The following DENND1B variants were observed in gnomAD, a reference collection of about 807,000 sequenced individuals.
The protein encoded by DENND1B is DENN domain containing 1B, also known as DENN domain-containing protein 1B.
A neutral mutation model predicts 90.1 loss-of-function variants in DENND1B; 59 were observed. The observed-to-expected ratio is 0.65, with a 90% confidence interval of 0.53 to 0.81. The LOEUF (loss-of-function observed/expected upper bound fraction) is 0.81. Ranked by LOEUF, DENND1B falls within the 40% of genes least tolerant of loss-of-function variation. The pLI is 0.00. For missense variants in DENND1B, 862 were observed against 912.6 expected, an observed-to-expected ratio of 0.94 and a Z score of 0.71; for synonymous variants, 337 against 324.6, an observed-to-expected ratio of 1.04 and a Z score of -0.41.
At chr1:197,580,258 A>ATTTTTTTTTTTTTTTTTTTTT (rs36028786) in intron 15 of DENND1B, among the ~76,000 whole-genome samples, 4 of 113,184 alleles carry the variant, frequency 3.5e-5, no homozygotes, top group African/African-American at 1.4e-4. Context: ...CGCCCAGCTA[A>ATTTTTTTTTTTTTTTTTTTTT]TTTTTTTTTT....
intron 2 of DENND1B, chr1:197,734,675 A>G (rs991474832): frequency 1.0e-6 from 1 of 985,214 alleles, no homozygotes; most frequent in Admixed American, 6.1e-5. Context: ...ACAGACAGCA[A>G]TTAATGAAAG....
chr1:197,677,439 G>A (rs1168542428), intron 3 of DENND1B, among the ~76,000 whole-genome samples: 1 of 152,024 alleles, frequency 6.6e-6, no homozygotes, highest in Non-Finnish European at 1.5e-5. Context: ...ACCTAAACTG[G>A]CAGCACCATC....
intron 20 of DENND1B, among the ~76,000 whole-genome samples, chr1:197,518,833 A>C (rs1668575384): frequency 6.6e-6 from 1 of 151,882 alleles, no homozygotes; most frequent in South Asian, 2.1e-4. Flanking sequence ...TATGAACACA[A>C]GTGGGGAGAC....
At chr1:197,600,557 T>A (rs1450236652) in intron 13 of DENND1B, among the ~76,000 whole-genome samples, 1 of 151,794 alleles carries the variant, frequency 6.6e-6, no homozygotes, top group African/African-American at 2.4e-5. Context: ...TTGTTCCACA[T>A]CTTTGGAAAA....
intron 10 of DENND1B, among the ~76,000 whole-genome samples, chr1:197,630,350 C>T (rs899145767): frequency 5.3e-5 from 8 of 152,060 alleles, no homozygotes; most frequent in African/African-American, 1.9e-4. Flanking sequence ...CTCTCTTCTC[C>T]ATAGGATGGC....
chr1:197,640,729 A>G (rs1451111105), intron 10 of DENND1B, among the ~76,000 whole-genome samples: 23 of 152,186 alleles, frequency 1.5e-4, no homozygotes, highest in Non-Finnish European at 2.9e-5. Flanking sequence ...ATATACTCAG[A>G]TTTATTTCTA....
chr1:197,638,108 C>T (rs144736078), intron 10 of DENND1B, among the ~76,000 whole-genome samples: 109 of 152,282 alleles, frequency 7.2e-4, no homozygotes, highest in African/African-American at 2.5e-3. Context: ...CGAAAGATTT[C>T]TTTTTACATA....
intron 3 of DENND1B, among the ~76,000 whole-genome samples, chr1:197,713,693 C>A: frequency 1.2e-5 from 1 of 86,026 alleles, no homozygotes; most frequent in Admixed American, 1.9e-4. Flanking sequence ...ATGTAACTAA[C>A]CTGCACAATG....
At position 197,639,224 on chromosome 1, in the gene DENND1B, T is replaced by C. The variant is rs567682269; in HGVS notation, c.672+3487A>G. ...GACTACAGGTGCGTGGTACCATGCC[T>C]GGCTAATTTTTGTATTTTTAGTAGA... is the stretch of plus-strand genomic sequence containing the variant. On this transcript the variant is annotated intron_variant, in intron 10 of 22. Coordinates refer to ENST00000620048, the MANE Select transcript of DENND1B (RefSeq NM_001195215.2). Among the ~76,000 whole-genome samples the C allele has an allele frequency of 6.0e-4, 91 of 152,076 alleles. 1 individual carries two copies. Among genetic ancestry groups the C allele is most frequent in the African/African-American group, 2.1e-3 (88 of 41,502 alleles).
chr1:197,668,860 A>G (rs932374026), intron 5 of DENND1B, among the ~76,000 whole-genome samples: 1 of 145,778 alleles, frequency 6.9e-6, no homozygotes, highest in African/African-American at 2.4e-5. Context: ...AAAAGCTTAT[A>G]CCATTTTTTA....
intron 2 of DENND1B, among the ~76,000 whole-genome samples, chr1:197,727,996 G>A (rs931268229): frequency 5.3e-5 from 8 of 150,516 alleles, no homozygotes; most frequent in African/African-American, 9.8e-5. Flanking sequence ...AAAATGGATC[G>A]CCCCTACATA....
intron 14 of DENND1B, among the ~76,000 whole-genome samples, chr1:197,592,177 G>A (rs1179725211): frequency 6.9e-6 from 1 of 145,812 alleles, no homozygotes; most frequent in Non-Finnish European, 1.5e-5. Context: ...TGCCACACTA[G>A]AGCAAGAGAG....
intron 2 of DENND1B, among the ~76,000 whole-genome samples, chr1:197,767,186 A>C (rs571097329): frequency 6.4e-4 from 98 of 152,170 alleles, no homozygotes; most frequent in Non-Finnish European, 1.2e-3. Flanking sequence ...GTTCTGGTTC[A>C]TGAAGAACTT....
At chr1:197,645,794 C>T (rs1680679394) in intron 8 of DENND1B, 51 bp from the exon 9 acceptor site, 1 of 1,233,232 alleles carries the variant, frequency 8.1e-7, no homozygotes, top group African/African-American at 1.6e-5. Context: ...AAACTGGTAA[C>T]ATATAATTTG....
intron 1 of DENND1B, chr1:197,774,341 C>CT (rs1358473674): frequency 2.6e-5 from 4 of 152,096 alleles, no homozygotes; most frequent in African/African-American, 9.7e-5. Context: ...TTATTTTAAA[C>CT]TTTTTGAGAA....
chr1:197,690,428 C>A, intron 3 of DENND1B: 1 of 170,290 alleles, frequency 5.9e-6, no homozygotes, highest in South Asian at 1.4e-4. Flanking sequence ...GAAGGTGACC[C>A]TAAATTCTTG....
intron 2 of DENND1B, among the ~76,000 whole-genome samples, chr1:197,733,413 A>G (rs1465874218): frequency 1.3e-5 from 2 of 152,150 alleles, no homozygotes; most frequent in Admixed American, 6.5e-5. Flanking sequence ...CTTACCCAAC[A>G]CTTTTTCCCC....
intron 14 of DENND1B, among the ~76,000 whole-genome samples, chr1:197,591,262 GT>G (rs1675175924): frequency 6.6e-6 from 1 of 152,180 alleles, no homozygotes; most frequent in African/African-American, 2.4e-5. Flanking sequence ...ATAAGCTCCT[GT>G]GGGGATGGGG....
chr1:197,588,794 G>A (rs1674932100), intron 14 of DENND1B, among the ~76,000 whole-genome samples: 1 of 152,094 alleles, frequency 6.6e-6, no homozygotes, highest in Admixed American at 6.5e-5. Context: ...TACTTTCAGA[G>A]TATATTAACC....
Sources: allele counts gnomAD v4.1 joint callset (sites outside exome capture counted in the v4.1 genomes callset), GRCh38; gene constraint gnomAD v4.1.1; transcripts MANE v1.5; gene names NCBI Gene and HGNC (gene_info 2026-07-23, HGNC 2026-07-21).